TBXAS1: variants seen among roughly 807,000 people sequenced by gnomAD.
TBXAS1 encodes thromboxane-A synthase.
TBXAS1 carries 48 observed loss-of-function variants against 60.7 expected under a neutral mutation model. The ratio of observed to expected loss-of-function variants is 0.79; its 90% CI spans 0.63 to 1.01. The LOEUF (loss-of-function observed/expected upper bound fraction) is 1.01. TBXAS1 is among the 50% of genes least tolerant of loss of function. The pLI is 0.00. For missense variants in TBXAS1, 685 were observed against 686.3 expected, an observed-to-expected ratio of 1.00 and a Z score of 0.02; for synonymous variants, 287 against 269.7, an observed-to-expected ratio of 1.06 and a Z score of -0.63.
At chr7:139,970,661 G>A (rs564825597) in intron 9 of TBXAS1, among the ~76,000 whole-genome samples, 24 of 152,318 alleles carry the variant, frequency 1.6e-4, no homozygotes, top group Non-Finnish European at 2.2e-4. Context: ...AGTGGGAGAT[G>A]AAGTGATGCA....
chr7:139,840,656 A>T (rs1045895077), intron 1 of TBXAS1, among the ~76,000 whole-genome samples: 4 of 152,166 alleles, frequency 2.6e-5, no homozygotes, highest in Non-Finnish European at 4.4e-5. Flanking sequence ...AAACGGAGGA[A>T]TAAGACATTC....
chr7:139,879,076 T>C (rs1802480288), intron 3 of TBXAS1, among the ~76,000 whole-genome samples: 1 of 152,200 alleles, frequency 6.6e-6, no homozygotes, highest in South Asian at 2.1e-4. Context: ...AACTGGAAAT[T>C]GACTCCTTAC....
At chr7:139,950,704 AC>A (rs1569518106) in intron 5 of TBXAS1, among the ~76,000 whole-genome samples, 2 of 134,812 alleles carry the variant, frequency 1.5e-5, no homozygotes, top group Non-Finnish European at 3.3e-5. Context: ...CATCTACGGG[AC>A]CCCCTCGCCC....
chr7:139,984,904 AAAGGAAAGAAAGAAAG>A (rs1183464184), intron 9 of TBXAS1, among the ~76,000 whole-genome samples: 4 of 135,962 alleles, frequency 2.9e-5, no homozygotes, highest in Non-Finnish European at 6.2e-5. Flanking sequence ...GCAAAGAAAG[AAAGGAAAGAAAGAAAG>A]AAGGAAAGAA....
At chr7:140,003,509 T>C (rs879124854) in intron 9 of TBXAS1, among the ~76,000 whole-genome samples, 2 of 152,192 alleles carry the variant, frequency 1.3e-5, no homozygotes, top group African/African-American at 4.8e-5. Flanking sequence ...CTGGCCTACA[T>C]GTGCATCTTG....
At chr7:139,979,022 G>A (rs1811772793) in intron 9 of TBXAS1, among the ~76,000 whole-genome samples, 1 of 152,218 alleles carries the variant, frequency 6.6e-6, no homozygotes, top group Non-Finnish European at 1.5e-5. Flanking sequence ...GGTAGAGGCA[G>A]AAACAGAGGC....
chr7:139,983,515 C>A (rs57786433), intron 9 of TBXAS1, among the ~76,000 whole-genome samples: 8,025 of 152,202 alleles, frequency 0.053, 262 homozygotes, highest in African/African-American at 0.09. Context: ...CTCTTACCCT[C>A]TGTCATCAGG....
intron 4 of TBXAS1, chr7:139,913,182 G>A (rs1048308863): frequency 1.4e-6 from 1 of 701,790 alleles, no homozygotes. Context: ...AATTGCAGAA[G>A]TTTAACTGCT....
At chr7:139,883,826 A>G (rs1802877291) in intron 3 of TBXAS1, among the ~76,000 whole-genome samples, 1 of 152,256 alleles carries the variant, frequency 6.6e-6, no homozygotes, top group Admixed American at 6.5e-5. Flanking sequence ...GTTTTACAGA[A>G]GAACACCTTA....
At chr7:139,821,037 T>A (rs184992061) in intron 4 of TBXAS1, among the ~76,000 whole-genome samples, 52 of 152,160 alleles carry the variant, frequency 3.4e-4, no homozygotes, top group African/African-American at 1.2e-3. Flanking sequence ...CGAAATGAAG[T>A]AGAATGAATG....
intron 5 of TBXAS1, among the ~76,000 whole-genome samples, chr7:139,948,243 G>A (rs570789625): frequency 5.9e-5 from 9 of 152,272 alleles, no homozygotes; most frequent in East Asian, 5.8e-4. Context: ...TTTCTGGTTT[G>A]TGGGTAGCCG....
At chr7:139,810,357 C>T (rs951025213) in intron 4 of TBXAS1, among the ~76,000 whole-genome samples, 5 of 152,114 alleles carry the variant, frequency 3.3e-5, no homozygotes, top group Admixed American at 1.3e-4. Context: ...TCTAAGTCAT[C>T]TTTGTGACTG....
At chr7:139,862,665 G>A (rs1801052893) in intron 1 of TBXAS1, among the ~76,000 whole-genome samples, 2 of 152,228 alleles carry the variant, frequency 1.3e-5, no homozygotes, top group Non-Finnish European at 2.9e-5. Context: ...GAATGATCCA[G>A]TAGAAATGGA....
intron 1 of TBXAS1, among the ~76,000 whole-genome samples, chr7:139,832,320 T>C (rs996912512): frequency 6.6e-6 from 1 of 151,924 alleles, no homozygotes; most frequent in African/African-American, 2.4e-5. Flanking sequence ...TGTGAAATGC[T>C]CTGGAAAGTC....
chr7:139,976,937 C>T (rs1169201157), intron 9 of TBXAS1, among the ~76,000 whole-genome samples: 1 of 152,122 alleles, frequency 6.6e-6, no homozygotes, highest in Non-Finnish European at 1.5e-5. Context: ...GTGGGTTTTC[C>T]GTGATCATGC....
chr7:139,791,116 T>A (rs1381547803), intron 4 of TBXAS1, among the ~76,000 whole-genome samples: 2 of 152,180 alleles, frequency 1.3e-5, no homozygotes, highest in Admixed American at 1.3e-4. Context: ...AGGTTTTGGA[T>A]CTTATATCTG....
chr7:140,018,523 G>A (rs1585070535), intron 12 of TBXAS1, among the ~76,000 whole-genome samples: 1 of 152,050 alleles, frequency 6.6e-6, no homozygotes, highest in African/African-American at 2.4e-5. Flanking sequence ...GAGCTCTCCT[G>A]AAATGGGGCC....
chr7:139,854,317 A>G (rs976939559), intron 1 of TBXAS1, among the ~76,000 whole-genome samples: 1 of 152,128 alleles, frequency 6.6e-6, no homozygotes, highest in African/African-American at 2.4e-5. Flanking sequence ...TAATTTAGGG[A>G]CAGAGATGAC....
intron 2 of TBXAS1, among the ~76,000 whole-genome samples, chr7:139,874,672 A>G (rs1187318180): frequency 1.3e-5 from 2 of 151,764 alleles, no homozygotes; most frequent in Non-Finnish European, 2.9e-5. Flanking sequence ...CACAACACAA[A>G]TCTACCATTT....
Sources: gnomAD v4.1 joint callset for allele counts (sites outside exome capture counted in the v4.1 genomes callset) on GRCh38, gnomAD v4.1.1 for gene constraint, MANE v1.5 for transcripts, NCBI Gene and HGNC (gene_info 2026-07-23, HGNC 2026-07-21) for gene names.